PITPNC1: variants seen among roughly 807,000 people sequenced by gnomAD.
PITPNC1 encodes the protein phosphatidylinositol transfer protein cytoplasmic 1.
PITPNC1 carries 18 observed loss-of-function variants against 44.7 expected under a neutral mutation model. The observed-to-expected ratio is 0.40, with a 90% CI of 0.28 to 0.60. The LOEUF is 0.60. Among genes scored for constraint, PITPNC1 ranks in the 20% least tolerant of loss-of-function variants. PITPNC1 has a pLI of 0.39. For synonymous variants in PITPNC1, 141 were observed against 149.6 expected, an observed-to-expected ratio of 0.94 and a Z score of 0.42; for missense variants, 290 against 418.4, an observed-to-expected ratio of 0.69 and a Z score of 2.68.
chr17:67,694,465 C>T lies in PITPNC1; in HGVS notation c.*1577C>T, dbSNP rs939295719. On this transcript the variant is annotated 3_prime_UTR_variant, in exon 9 of 9. Transcript: ENST00000581322. ...CTCTGCCAGTGGACCCTGCCTGCTT[C>T]CCTCTCAGTGCTCAGCACTCTGTGT... The T allele has an allele frequency of 3.9e-5, 6 of 152,476 alleles. No homozygotes were observed. Among genetic ancestry groups the T allele is most frequent in the Admixed American group, 2.0e-4 (3 of 15,278 alleles). 9.4% of individuals were successfully genotyped at this position (152,476 alleles called of 1,614,324 possible).
At chr17:67,572,238 A>G (rs543258489) in intron 4 of PITPNC1, among the ~76,000 whole-genome samples, 1 of 152,136 alleles carries the variant, frequency 6.6e-6, no homozygotes, top group South Asian at 2.1e-4. Flanking sequence ...CCTCGGTGAT[A>G]TAGAATCCCT....
In PITPNC1 at chr17:67,578,367, CCT is replaced by C. The variant is rs1039141440; in HGVS notation, c.366+112_366+113del. The C allele has an allele frequency of 1.1e-5, 8 of 736,516 alleles. No individual in the cohort carries two copies. In the African/African-American group the frequency reaches 1.2e-4, roughly 11 times the overall value. The allele number at this position is 736,516 out of a possible 1,614,324, so 45.6% of individuals were successfully genotyped here. A position where few individuals can be genotyped will look rare whatever the true frequency, so the allele number is the denominator to read the frequency against. On this transcript the variant is annotated intron_variant, in intron 5 of 8. Transcript: ENST00000581322. ...CCAGCAGTGGGACCTGTGCCTGGGA[CCT>C]CAGAGATGTTCTGGCCTTTGGCTTC...
Position 67,391,258 on chromosome 17 carries a change from A to G in PITPNC1, c.48+13056A>G, listed in dbSNP as rs180978091. ...TCAGAGAAATAAGATTGGCCAACAA[A>G]TGTAATTTGATGATACCCTATAATA... On this transcript the variant is annotated intron_variant, in intron 1 of 8. Transcript: ENST00000581322. Among the ~76,000 whole-genome samples the G allele has an allele frequency of 4.6e-5, 7 of 152,172 alleles. No homozygotes were observed. In the East Asian group the frequency reaches 1.4e-3, roughly 29 times the overall value.
intron 5 of PITPNC1, among the ~76,000 whole-genome samples, chr17:67,630,546 G>C (rs2041952680): frequency 6.6e-6 from 1 of 152,070 alleles, no homozygotes; most frequent in Non-Finnish European, 1.5e-5. Context: ...TTGAACCCAG[G>C]AGGCGGAGAT....
intron 4 of PITPNC1, among the ~76,000 whole-genome samples, chr17:67,559,361 C>T (rs185206114): frequency 6.6e-6 from 1 of 152,320 alleles, no homozygotes; most frequent in Admixed American, 6.5e-5. Flanking sequence ...GGGTGAAAGT[C>T]CCTAAGAGTC....
intron 1 of PITPNC1, among the ~76,000 whole-genome samples, chr17:67,389,324 A>C (rs1171861718): frequency 6.6e-6 from 1 of 152,220 alleles, no homozygotes; most frequent in Non-Finnish European, 1.5e-5. Flanking sequence ...AATCAGTGGG[A>C]ATCTTGGGGG....
At chr17:67,465,453 A>G (rs904071256) in intron 1 of PITPNC1, among the ~76,000 whole-genome samples, 2 of 152,172 alleles carry the variant, frequency 1.3e-5, no homozygotes, top group African/African-American at 4.8e-5. Flanking sequence ...TGGCAGACAT[A>G]ACTCTTTTTG....
chr17:67,405,424 A>G (rs1283099070), intron 1 of PITPNC1, among the ~76,000 whole-genome samples: 2 of 151,932 alleles, frequency 1.3e-5, no homozygotes, highest in Non-Finnish European at 2.9e-5. Context: ...CTCAAAAAAA[A>G]AAAAATCAAA....
intron 1 of PITPNC1, among the ~76,000 whole-genome samples, chr17:67,526,583 T>G (rs953034166): frequency 5.3e-5 from 8 of 151,930 alleles, no homozygotes; most frequent in Admixed American, 2.6e-4. Flanking sequence ...ATAACAAAAC[T>G]TAGCCAGGCA....
chr17:67,593,798 T>C (rs990757585), intron 5 of PITPNC1, among the ~76,000 whole-genome samples: 2 of 152,238 alleles, frequency 1.3e-5, no homozygotes, highest in Non-Finnish European at 1.5e-5. Context: ...TAATTCTTTG[T>C]GATCCACTGT....
At chr17:67,662,957 T>C (rs1170364715) in intron 6 of PITPNC1, among the ~76,000 whole-genome samples, 1 of 152,198 alleles carries the variant, frequency 6.6e-6, no homozygotes, top group Non-Finnish European at 1.5e-5. Context: ...TAGATTGATT[T>C]CATGTCTTTG....
At chr17:67,464,954 G>T (rs2039402532) in intron 1 of PITPNC1, among the ~76,000 whole-genome samples, 1 of 152,174 alleles carries the variant, frequency 6.6e-6, no homozygotes, top group Non-Finnish European at 1.5e-5. Flanking sequence ...GGCCAGGCAG[G>T]TCTCAAACTC....
intron 5 of PITPNC1, among the ~76,000 whole-genome samples, chr17:67,579,789 A>T (rs550283135): frequency 9.2e-5 from 14 of 152,186 alleles, no homozygotes; most frequent in Non-Finnish European, 1.3e-4. Context: ...AAATACAAAA[A>T]ATTAGCCGGG....
At chr17:67,504,862 A>G (rs897795218) in intron 1 of PITPNC1, among the ~76,000 whole-genome samples, 1 of 152,188 alleles carries the variant, frequency 6.6e-6, no homozygotes, top group Non-Finnish European at 1.5e-5. Context: ...TTTTTAATAT[A>G]TGCATTTACA....
At chr17:67,399,370 CACT>C (rs1461235422) in intron 1 of PITPNC1, among the ~76,000 whole-genome samples, 5 of 152,118 alleles carry the variant, frequency 3.3e-5, no homozygotes, top group African/African-American at 1.2e-4. Context: ...AATGGCTGGG[CACT>C]AGCTTCATCT....
At chr17:67,439,133 A>G (rs1229254509) in intron 1 of PITPNC1, among the ~76,000 whole-genome samples, 1 of 152,202 alleles carries the variant, frequency 6.6e-6, no homozygotes, top group Non-Finnish European at 1.5e-5. Context: ...GCCCAGAAGC[A>G]TCTGATTTGC....
chr17:67,477,991 C>T (rs948587626), intron 1 of PITPNC1, among the ~76,000 whole-genome samples: 4 of 152,120 alleles, frequency 2.6e-5, no homozygotes, highest in Non-Finnish European at 4.4e-5. Flanking sequence ...CTGGCTTCCC[C>T]GAGGATGAGA....
At chr17:67,529,374 C>T (rs544765328) in intron 1 of PITPNC1, among the ~76,000 whole-genome samples, 1 of 152,320 alleles carries the variant, frequency 6.6e-6, no homozygotes, top group East Asian at 1.9e-4. Context: ...AGCTCTTCTG[C>T]CAAGCCCCTT....
At chr17:67,548,982 A>C (rs1383787721) in intron 2 of PITPNC1, among the ~76,000 whole-genome samples, 1 of 152,210 alleles carries the variant, frequency 6.6e-6, no homozygotes, top group Non-Finnish European at 1.5e-5. Flanking sequence ...GGGAAAAATA[A>C]ATTTTACTTT....
Sources: gnomAD v4.1 joint callset for allele counts (sites outside exome capture counted in the v4.1 genomes callset) on GRCh38, gnomAD v4.1.1 for gene constraint, MANE v1.5 for transcripts, NCBI Gene and HGNC (gene_info 2026-07-23, HGNC 2026-07-21) for gene names.